The following CWC27 variants were observed in gnomAD, a reference collection of about 807,000 sequenced individuals.
CWC27 encodes spliceosome-associated protein CWC27 homolog.
A neutral mutation model predicts 63.6 loss-of-function variants in CWC27; 47 were observed. The observed-to-expected ratio is 0.74, with a 90% CI of 0.58 to 0.94. The LOEUF (loss-of-function observed/expected upper bound fraction) is 0.94, where lower values mean the gene tolerates loss of function less well. Ranked by LOEUF, CWC27 falls within the 40% of genes least tolerant of loss-of-function variation. The probability of loss-of-function intolerance (pLI) is 0.00; values close to 1 mark genes in which losing one functional copy is unlikely to be tolerated. For synonymous variants in CWC27, 175 were observed against 179.8 expected (o/e 0.97, Z 0.22); for missense variants, 495 against 554.3 (o/e 0.89, Z 1.07).
At chr5:65,013,076 G>A (rs1749990202) in intron 13 of CWC27, among the ~76,000 whole-genome samples, 6 of 152,136 alleles carry the variant, frequency 3.9e-5, no homozygotes, top group Admixed American at 3.9e-4. Context: ...AATAAAAAAA[G>A]GGGCCCTTCT....
chr5:64,973,573 A>G (rs962112132), intron 12 of CWC27, among the ~76,000 whole-genome samples: 4 of 152,236 alleles, frequency 2.6e-5, no homozygotes, highest in Admixed American at 2.6e-4. Context: ...CTCCATGCAG[A>G]TCCTATCTTC....
chr5:64,915,604 C>T (rs73107258), intron 11 of CWC27, among the ~76,000 whole-genome samples: 1 of 151,990 alleles, frequency 6.6e-6, no homozygotes, highest in Non-Finnish European at 1.5e-5. Context: ...GCATTAGATA[C>T]TTTTATCCTT....
chr5:65,018,356 T>A lies in CWC27; in HGVS notation c.*35T>A, dbSNP rs777016835. ...AATGATAACCAGAACTTGCTGGAAA[T>A]GTGCCTACAATGGCCTTGTAACAGC... is the stretch of plus-strand genomic sequence containing the variant. On this transcript the variant is annotated 3_prime_UTR_variant, in exon 14 of 14. Coordinates refer to ENST00000381070, the MANE Select transcript of CWC27 (RefSeq NM_005869.4). 4.5e-6 allele frequency: 7 copies of A among 1,552,770 alleles called. No homozygotes were observed. In the Admixed American group the frequency reaches 1.4e-4, roughly 30 times the overall value.
chr5:64,903,606 T>C (rs1747556454), intron 11 of CWC27, among the ~76,000 whole-genome samples: 1 of 151,972 alleles, frequency 6.6e-6, no homozygotes, highest in Non-Finnish European at 1.5e-5. Context: ...GATGTATTGA[T>C]AGGTGCAGGA....
chr5:64,776,732 G>A (rs1743470281), intron 2 of CWC27, among the ~76,000 whole-genome samples: 1 of 151,988 alleles, frequency 6.6e-6, no homozygotes, highest in Admixed American at 6.6e-5. Context: ...TGATTTAGAC[G>A]AGTCATAATG....
intron 11 of CWC27, among the ~76,000 whole-genome samples, chr5:64,916,198 A>G (rs779045097): frequency 2.0e-5 from 3 of 152,254 alleles, no homozygotes; most frequent in Non-Finnish European, 4.4e-5. Flanking sequence ...TTGCTTAACT[A>G]TCTTCCAAAA....
intron 11 of CWC27, among the ~76,000 whole-genome samples, chr5:64,913,232 C>T (rs993325875): frequency 6.6e-6 from 1 of 152,004 alleles, no homozygotes; most frequent in African/African-American, 2.4e-5. Flanking sequence ...TTCTAGCACA[C>T]TAGAAATAGG....
chr5:64,999,937 A>G (rs1749702469), intron 13 of CWC27, among the ~76,000 whole-genome samples: 1 of 152,012 alleles, frequency 6.6e-6, no homozygotes, highest in South Asian at 2.1e-4. Context: ...TGGCTATACT[A>G]ATTTACGTTC....
intron 11 of CWC27, among the ~76,000 whole-genome samples, chr5:64,911,847 G>A (rs937258855): frequency 6.6e-6 from 1 of 151,984 alleles, no homozygotes; most frequent in East Asian, 1.9e-4. Flanking sequence ...GGCCGAGGTG[G>A]GCGGATCACA....
At chr5:64,924,985 A>C (rs896092438) in intron 11 of CWC27, among the ~76,000 whole-genome samples, 2 of 150,102 alleles carry the variant, frequency 1.3e-5, no homozygotes, top group African/African-American at 4.9e-5. Flanking sequence ...ACACACACAC[A>C]CACGAAAATT....
chr5:64,775,548 C>T (rs903488915), intron 2 of CWC27, among the ~76,000 whole-genome samples: 3 of 151,962 alleles, frequency 2.0e-5, no homozygotes, highest in Non-Finnish European at 2.9e-5. Flanking sequence ...TATGCTTTTT[C>T]TTCCCTTTTT....
chr5:64,953,500 G>A (rs1280302191), intron 11 of CWC27, among the ~76,000 whole-genome samples: 4 of 151,984 alleles, frequency 2.6e-5, no homozygotes, highest in South Asian at 2.1e-4. Context: ...TTTAATCAGT[G>A]AGAACGTGTC....
intron 10 of CWC27, among the ~76,000 whole-genome samples, chr5:64,839,725 T>C (rs1446128311): frequency 6.6e-6 from 1 of 152,088 alleles, no homozygotes; most frequent in Non-Finnish European, 1.5e-5. Flanking sequence ...ACTATCTTAA[T>C]GAGATAGATT....
intron 10 of CWC27, among the ~76,000 whole-genome samples, chr5:64,841,616 CT>C (rs979804152): frequency 3.3e-5 from 5 of 152,194 alleles, no homozygotes; most frequent in Admixed American, 6.5e-5. Flanking sequence ...ATTTAAGAGT[CT>C]TTTTTTATAT....
chr5:65,013,642 G>A (rs1312769363), intron 13 of CWC27, among the ~76,000 whole-genome samples: 1 of 152,164 alleles, frequency 6.6e-6, no homozygotes, highest in East Asian at 1.9e-4. Context: ...AGTAGTTTCT[G>A]ATCAAAAGAA....
chr5:64,948,426 C>G (rs1450312426), intron 11 of CWC27, among the ~76,000 whole-genome samples: 3 of 151,188 alleles, frequency 2.0e-5, no homozygotes, highest in Non-Finnish European at 4.4e-5. Context: ...ACAGTTTTAT[C>G]TAGTAGATGT....
chr5:64,805,188 G>A (rs746695929), intron 10 of CWC27, among the ~76,000 whole-genome samples: 2 of 151,454 alleles, frequency 1.3e-5, no homozygotes, highest in Non-Finnish European at 2.9e-5. Context: ...TCATTGCATA[G>A]CTCCCTCAAT....
intron 13 of CWC27, 90 bp from the exon 14 acceptor site, chr5:65,018,069 T>C (rs1750081321): frequency 1.7e-6 from 2 of 1,171,278 alleles, no homozygotes; most frequent in Non-Finnish European, 2.4e-6. Flanking sequence ...TGTATGCTTA[T>C]GTTTCATTAT....
intron 10 of CWC27, among the ~76,000 whole-genome samples, chr5:64,815,471 A>C (rs1744999693): frequency 1.3e-5 from 2 of 152,188 alleles, no homozygotes; most frequent in Non-Finnish European, 2.9e-5. Context: ...TTATATCGTT[A>C]AGCCTGATGT....
Sources: allele counts gnomAD v4.1 joint callset (sites outside exome capture counted in the v4.1 genomes callset), GRCh38; gene constraint gnomAD v4.1.1; transcripts MANE v1.5; gene names NCBI Gene and HGNC (gene_info 2026-07-23, HGNC 2026-07-21).